LUZP2: variants seen among roughly 807,000 people sequenced by gnomAD.
The protein encoded by LUZP2 is leucine zipper protein 2.
Under a neutral mutation model 51.6 loss-of-function variants are expected in LUZP2, and 52 were observed. The ratio of observed to expected loss-of-function variants is 1.01; its 90% CI spans 0.81 to 1.27. LUZP2 has a LOEUF of 1.27. Ranked by LOEUF, LUZP2 falls within the 50% of genes most tolerant of loss-of-function variation. LUZP2 has a pLI of 0.00. For synonymous variants in LUZP2, 154 were observed against 137.3 expected (o/e 1.12, Z -0.85); for missense variants, 436 against 395.4 (o/e 1.10, Z -0.87).
intron 7 of LUZP2, among the ~76,000 whole-genome samples, chr11:24,942,638 T>C (rs1275178579): frequency 6.6e-6 from 1 of 152,204 alleles, no homozygotes; most frequent in East Asian, 1.9e-4. Context: ...TTATCAGATA[T>C]ATATTTCACA....
intron 9 of LUZP2, among the ~76,000 whole-genome samples, chr11:25,018,023 G>A (rs1022633353): frequency 7.8e-6 from 1 of 128,586 alleles, no homozygotes; most frequent in Non-Finnish European, 1.7e-5. Context: ...CCCTAGGTAG[G>A]ATTTTTTGTT....
chr11:24,588,615 AC>A (rs1470078453), intron 1 of LUZP2, among the ~76,000 whole-genome samples: 1 of 130,490 alleles, frequency 7.7e-6, no homozygotes, highest in African/African-American at 2.9e-5. Flanking sequence ...TCATTTAGAA[AC>A]AAACAAATAA....
At chr11:24,630,115 T>C (rs1854828666) in intron 1 of LUZP2, among the ~76,000 whole-genome samples, 1 of 152,120 alleles carries the variant, frequency 6.6e-6, no homozygotes, top group East Asian at 1.9e-4. Context: ...GTATATATTG[T>C]AAATATTTTC....
In LUZP2 at chr11:24,879,191, G is replaced by A. The variant is rs530011248; in HGVS notation, c.397-26800G>A. Among the ~76,000 whole-genome samples the A allele has an allele frequency of 3.4e-4, 52 of 152,078 alleles. 1 individual carries two copies. The South Asian group carries it at 8.7e-3, about 25-fold the overall frequency. On this transcript the variant is annotated intron_variant, in intron 5 of 11. Transcript: ENST00000336930. ...GATCTCCTGACCTCGTGATCCACCC[G>A]CCTAGGCCTCCCAAAGTACTGGGAT...
In LUZP2 at chr11:24,637,824, A is replaced by T. The variant is rs190831178; in HGVS notation, c.63-91345A>T. On this transcript the variant is annotated intron_variant, in intron 1 of 11. Transcript: ENST00000336930. ...CACAGAGGGACACAGACCCTCATCA[A>T]TAATTCTAATTTTACCTTTTGCCTT... Among the ~76,000 whole-genome samples, 37 of 151,992 alleles carry T rather than the reference A, an allele frequency of 2.4e-4. 1 individual carries two copies. Among genetic ancestry groups the T allele is most frequent in the African/African-American group, 8.5e-4 (35 of 41,288 alleles).
chr11:24,830,749 C>T (rs2631496), intron 5 of LUZP2, among the ~76,000 whole-genome samples: 23,802 of 151,910 alleles, frequency 0.16, 2,067 homozygotes, highest in African/African-American at 0.22. Context: ...AATCCCAGCA[C>T]TTTGGGAGGC....
chr11:24,535,137 TAA>T (rs11367062), intron 1 of LUZP2, among the ~76,000 whole-genome samples: 2,260 of 147,396 alleles, frequency 0.015, 49 homozygotes, highest in African/African-American at 0.048. Flanking sequence ...CTTCATTGCT[TAA>T]AAAAAAAAAA....
Position 24,726,936 on chromosome 11 carries a change from A to G in LUZP2, c.63-2233A>G, listed in dbSNP as rs77857418. ...AGTGTAATTTGGTTTCCTCTTACAT[A>G]AGGACCTTAAATGTTTGAATCTAAA... On this transcript the variant is annotated intron_variant, in intron 1 of 11. Transcript: ENST00000336930. Among the ~76,000 whole-genome samples, 273 of 152,230 alleles carry G rather than the reference A, an allele frequency of 1.8e-3. 1 individual carries two copies. Among genetic ancestry groups the G allele is most frequent in the African/African-American group, 6.1e-3 (253 of 41,584 alleles).
At chr11:24,513,820 C>T (rs7112434) in intron 1 of LUZP2, among the ~76,000 whole-genome samples, 10,080 of 152,252 alleles carry the variant, frequency 0.066, 380 homozygotes, top group Middle Eastern at 0.11. Flanking sequence ...CTCTCTTTGA[C>T]CTTTCAGAGT....
At chr11:24,703,852 C>T (rs550867203) in intron 1 of LUZP2, among the ~76,000 whole-genome samples, 1 of 66,082 alleles carries the variant, frequency 1.5e-5, no homozygotes. Context: ...AACAAACAAA[C>T]AAAAAAAACG....
intron 5 of LUZP2, among the ~76,000 whole-genome samples, chr11:24,876,291 G>T (rs1430263978): frequency 6.7e-6 from 1 of 149,810 alleles, no homozygotes; most frequent in Non-Finnish European, 1.5e-5. Context: ...GTAAGGAAGG[G>T]ATCCAGTTTC....
intron 1 of LUZP2, among the ~76,000 whole-genome samples, chr11:24,666,729 A>G (rs1479968219): frequency 1.3e-5 from 2 of 152,144 alleles, no homozygotes; most frequent in Admixed American, 1.3e-4. Flanking sequence ...ACAGAAAGAG[A>G]GTTCATTATT....
chr11:24,706,827 A>C (rs936511809), intron 1 of LUZP2, among the ~76,000 whole-genome samples: 1 of 151,656 alleles, frequency 6.6e-6, no homozygotes, highest in Non-Finnish European at 1.5e-5. Flanking sequence ...TTTATTTTTT[A>C]TTCCCTTTTC....
chr11:24,497,233 C>A lies in LUZP2; in HGVS notation c.-11C>A, dbSNP rs767282305. 8.5e-6 allele frequency: 13 copies of A among 1,532,162 alleles called. No homozygotes were observed. The South Asian group carries it at 1.6e-4, about 19-fold the overall frequency. 94.9% of individuals were successfully genotyped at this position (1,532,162 alleles called of 1,614,324 possible). On this transcript the variant is annotated 5_prime_UTR_variant, in exon 1 of 12. Coordinates refer to ENST00000336930, the MANE Select transcript of LUZP2 (RefSeq NM_001009909.4). Reference sequence around the variant, plus strand: ...GGCAGCGAGGGAAGGAGGACCCCGGCAGGCAGCAGCATGAAATTCAGCCCA... The same window carrying A: ...GGCAGCGAGGGAAGGAGGACCCCGGAAGGCAGCAGCATGAAATTCAGCCCA...
chr11:24,864,814 G>C (rs1295566317), intron 5 of LUZP2, among the ~76,000 whole-genome samples: 1 of 152,136 alleles, frequency 6.6e-6, no homozygotes, highest in Non-Finnish European at 1.5e-5. Flanking sequence ...GTCATGAAGA[G>C]GTGATGCCAC....
intron 7 of LUZP2, 115 bp from the exon 8 acceptor site, chr11:24,976,474 GTT>G (rs71044328): frequency 0.027 from 9,643 of 359,782 alleles, 24 homozygotes; most frequent in African/African-American, 0.065. Flanking sequence ...ACAGGACACT[GTT>G]TTTTTTTTTT....
At chr11:24,762,763 A>G (rs915679964) in intron 4 of LUZP2, among the ~76,000 whole-genome samples, 3 of 152,086 alleles carry the variant, frequency 2.0e-5, no homozygotes, top group African/African-American at 7.2e-5. Flanking sequence ...TCTTGTTCAG[A>G]AGGAAACATC....
intron 9 of LUZP2, among the ~76,000 whole-genome samples, chr11:24,999,897 A>G (rs1441488305): frequency 6.6e-6 from 1 of 152,074 alleles, no homozygotes. Flanking sequence ...CAGCAGCAAG[A>G]TTTATTGTGA....
intron 1 of LUZP2, among the ~76,000 whole-genome samples, chr11:24,533,896 T>C (rs181156859): frequency 2.0e-4 from 30 of 151,366 alleles, no homozygotes; most frequent in Admixed American, 6.6e-4. Context: ...CTGTGCTCCC[T>C]TCTCTATCTC....
Sources: allele counts gnomAD v4.1 joint callset (sites outside exome capture counted in the v4.1 genomes callset), GRCh38; gene constraint gnomAD v4.1.1; transcripts MANE v1.5; gene names NCBI Gene and HGNC (gene_info 2026-07-23, HGNC 2026-07-21).